Variants in ABTB3 observed in about 807,000 individuals in gnomAD.
The protein encoded by ABTB3 is ankyrin repeat- and BTB/POZ domain-containing protein 3.
the ABTB3 span, among the ~76,000 whole-genome samples, chr12:107,365,956 G>A: frequency 6.6e-6 from 1 of 152,242 alleles, no homozygotes; most frequent in Non-Finnish European, 1.5e-5. Context: ...TTCGATGGGG[G>A]GCACCCCTGG....
At chr12:107,617,557 G>T in the ABTB3 span, 1 of 1,361,884 alleles carries the variant, frequency 7.3e-7, no homozygotes, top group Non-Finnish European at 9.8e-7. Context: ...GTGTGAAGTG[G>T]TCCAGGCCCC....
At chr12:107,436,122 G>T in the ABTB3 span, among the ~76,000 whole-genome samples, 3 of 152,154 alleles carry the variant, frequency 2.0e-5, no homozygotes, top group Non-Finnish European at 2.9e-5. Context: ...CGTGTACCCA[G>T]TTCCCTACAT....
chr12:107,331,803 T>C, the ABTB3 span, among the ~76,000 whole-genome samples: 4 of 152,322 alleles, frequency 2.6e-5, no homozygotes, highest in Non-Finnish European at 2.9e-5. Flanking sequence ...CCTGCCATTC[T>C]GCGGCTGCCA....
chr12:107,566,752 G>A, the ABTB3 span, among the ~76,000 whole-genome samples: 1 of 151,784 alleles, frequency 6.6e-6, no homozygotes, highest in Non-Finnish European at 1.5e-5. Context: ...ATCCAGGTCT[G>A]ATACTCTTAG....
the ABTB3 span, among the ~76,000 whole-genome samples, chr12:107,606,891 C>CCTCTGTGATGTGTG: frequency 3.3e-5 from 5 of 152,210 alleles, no homozygotes; most frequent in African/African-American, 1.2e-4. Flanking sequence ...CTCCCGGAAG[C>CCTCTGTGATGTGTG]CTCTGTGATG....
chr12:107,537,502 G>T, the ABTB3 span, among the ~76,000 whole-genome samples: 1 of 152,106 alleles, frequency 6.6e-6, no homozygotes, highest in East Asian at 1.9e-4. Flanking sequence ...ATAAATATGT[G>T]CAATTCTTAT....
the ABTB3 span, among the ~76,000 whole-genome samples, chr12:107,550,257 A>C: frequency 6.6e-6 from 1 of 152,050 alleles, no homozygotes; most frequent in African/African-American, 2.4e-5. Flanking sequence ...CAGACACTGG[A>C]CCTCACACCA....
chr12:107,410,504 G>T, the ABTB3 span, among the ~76,000 whole-genome samples: 1 of 152,228 alleles, frequency 6.6e-6, no homozygotes, highest in African/African-American at 2.4e-5. Flanking sequence ...TCCTTAGGCT[G>T]CGGGATTCTG....
the ABTB3 span, among the ~76,000 whole-genome samples, chr12:107,540,831 TAA>T: frequency 6.6e-6 from 1 of 151,658 alleles, no homozygotes; most frequent in Non-Finnish European, 1.5e-5. Flanking sequence ...TACAAAAAAT[TAA>T]AAAAATAAAA....
chr12:107,609,947 T>C, the ABTB3 span: 4 of 514,740 alleles, frequency 7.8e-6, no homozygotes, highest in South Asian at 9.2e-5. Context: ...TCAATACGTA[T>C]TAGTCGTTAT....
chr12:107,579,081 T>C, the ABTB3 span, among the ~76,000 whole-genome samples: 1 of 152,058 alleles, frequency 6.6e-6, no homozygotes, highest in Admixed American at 6.5e-5. Flanking sequence ...AGGCCCACAA[T>C]GCGAGGGATT....
the ABTB3 span, chr12:107,620,123 C>G: frequency 6.2e-7 from 1 of 1,614,224 alleles, no homozygotes; most frequent in South Asian, 1.1e-5. Context: ...GCTCGTTACC[C>G]AAGGCCTGCC....
chr12:107,326,157 C>T, the ABTB3 span, among the ~76,000 whole-genome samples: 879 of 152,254 alleles, frequency 5.8e-3, 9 homozygotes, highest in African/African-American at 0.019. Context: ...CACCCATCTC[C>T]GCCTCCCAAA....
At chr12:107,413,049 C>T in the ABTB3 span, among the ~76,000 whole-genome samples, 8 of 151,948 alleles carry the variant, frequency 5.3e-5, no homozygotes, top group African/African-American at 1.7e-4. Flanking sequence ...CCGAAGTGGG[C>T]GGATCACAAG....
the ABTB3 span, chr12:107,374,732 CA>C: frequency 1.3e-5 from 2 of 152,876 alleles, no homozygotes; most frequent in Non-Finnish European, 2.9e-5. Context: ...CTACAGGCAC[CA>C]CCCAGCTGAA....
the ABTB3 span, among the ~76,000 whole-genome samples, chr12:107,628,343 A>T: frequency 6.6e-6 from 1 of 152,134 alleles, no homozygotes; most frequent in Non-Finnish European, 1.5e-5. Flanking sequence ...GGGTTTTACC[A>T]TGTTGGTCAG....
At chr12:107,597,059 G>A in the ABTB3 span, among the ~76,000 whole-genome samples, 1 of 152,134 alleles carries the variant, frequency 6.6e-6, no homozygotes, top group African/African-American at 2.4e-5. Flanking sequence ...AAACTCAAGG[G>A]CACATTGTTG....
At chr12:107,583,652 C>A in the ABTB3 span, among the ~76,000 whole-genome samples, 2 of 152,308 alleles carry the variant, frequency 1.3e-5, no homozygotes, top group South Asian at 4.1e-4. Context: ...CTGCGCCCCC[C>A]CTCCTCAGCA....
At chr12:107,465,317 G>A in the ABTB3 span, among the ~76,000 whole-genome samples, 4 of 152,146 alleles carry the variant, frequency 2.6e-5, no homozygotes, top group Non-Finnish European at 4.4e-5. Flanking sequence ...CGTTAAGGTA[G>A]TGTTGCCCAG....
Sources: gnomAD v4.1 joint callset for allele counts (sites outside exome capture counted in the v4.1 genomes callset) on GRCh38, gnomAD v4.1.1 for gene constraint, MANE v1.5 for transcripts, NCBI Gene and HGNC (gene_info 2026-07-23, HGNC 2026-07-21) for gene names.